The following KLHL13 variants were observed in gnomAD, a reference collection of about 807,000 sequenced individuals.
KLHL13 encodes the protein kelch like family member 13, also known as kelch-like protein 13.
Under a neutral mutation model 37.1 loss-of-function variants are expected in KLHL13, and 10 were observed. That is an observed-to-expected ratio of 0.27 (90% CI 0.17 to 0.46). The LOEUF is 0.46. Among genes scored for constraint, KLHL13 ranks in the 20% least tolerant of loss-of-function variants. KLHL13 has a pLI of 1.00. For missense variants in KLHL13, 360 were observed against 509.3 expected, an observed-to-expected ratio of 0.71 and a Z score of 2.82; for synonymous variants, 163 against 181.2, an observed-to-expected ratio of 0.90 and a Z score of 0.81.
At chrX:118,072,436 T>C (rs745349687) in intron 1 of KLHL13, among the ~76,000 whole-genome samples, 9 of 112,353 alleles carry the variant, frequency 8.0e-5, no homozygotes, top group South Asian at 3.7e-4. Context: ...ACTTCATGTC[T>C]ACAACACCAA....
At position 117,920,706 on chromosome X, in the gene KLHL13, G is replaced by C. The variant is rs759118333; in HGVS notation, c.241-336C>G. On this transcript the variant is annotated intron_variant, in intron 2 of 6. Transcript: ENST00000262820. ...ACTTCTACTTTCCCATCTGCAGAATGAGAGTATTAGACTGTCTTAACATTC... is the reference window on the plus strand; with the variant it reads ...ACTTCTACTTTCCCATCTGCAGAATCAGAGTATTAGACTGTCTTAACATTC... Among the ~76,000 whole-genome samples the C allele has an allele frequency of 2.7e-5, 3 of 111,954 alleles. No individual in the cohort carries two copies. The South Asian group carries it at 1.1e-3, about 42-fold the overall frequency.
At chrX:117,987,358 C>A (rs140176752) in intron 1 of KLHL13, among the ~76,000 whole-genome samples, 56 of 111,571 alleles carry the variant, frequency 5.0e-4, no homozygotes, top group African/African-American at 1.8e-3. Flanking sequence ...GGTTTAGAAT[C>A]TCCAAGGGTG....
intron 1 of KLHL13, among the ~76,000 whole-genome samples, chrX:118,081,940 T>C (rs1409287943): frequency 2.0e-5 from 2 of 97,673 alleles, no homozygotes; most frequent in Non-Finnish European, 4.2e-5. Flanking sequence ...TAGTATTCCA[T>C]TGTGTGTGTG....
upstream of KLHL13, among the ~76,000 whole-genome samples, chrX:117,976,984 G>A (rs1569431637): frequency 9.0e-6 from 1 of 110,631 alleles, no homozygotes; most frequent in Non-Finnish European, 1.9e-5. Context: ...CTTGCCCAAT[G>A]TTGTATCACA....
At chrX:117,967,760 T>C (rs150715516) in intron 1 of KLHL13, among the ~76,000 whole-genome samples, 229 of 111,741 alleles carry the variant, frequency 2.0e-3, no homozygotes, top group African/African-American at 6.9e-3. Context: ...AAATACACAA[T>C]AGGCTTTAAA....
At chrX:117,967,904 T>C (rs753798537) in intron 1 of KLHL13, among the ~76,000 whole-genome samples, 152 of 111,668 alleles carry the variant, frequency 1.4e-3, no homozygotes, top group African/African-American at 4.6e-3. Context: ...ATTTGCAAAC[T>C]GTAAATTCAC....
At chrX:118,098,942 G>T (rs189550648) in intron 1 of KLHL13, among the ~76,000 whole-genome samples, 1 of 71,616 alleles carries the variant, frequency 1.4e-5, no homozygotes, top group Admixed American at 1.7e-4. Context: ...GGGGAAGGGG[G>T]GTGGGGGAAG....
At chrX:118,028,292 T>C (rs1347180159) in intron 1 of KLHL13, 132 bp downstream of exon 2, 1 of 380,435 alleles carries the variant, frequency 2.6e-6, no homozygotes, top group South Asian at 6.5e-5. Flanking sequence ...CACTTAGTCA[T>C]TCTCTAACTC....
At chrX:118,066,766 T>TA (rs764250756) in intron 1 of KLHL13, among the ~76,000 whole-genome samples, 1 of 111,468 alleles carries the variant, frequency 9.0e-6, no homozygotes, top group Non-Finnish European at 1.9e-5. Context: ...CCAGAATCAA[T>TA]AAAAAAATTA....
chrX:117,946,121 T>C (rs999334162), intron 1 of KLHL13: 1 of 111,508 alleles, frequency 9.0e-6, no homozygotes, highest in African/African-American at 3.3e-5. Context: ...AAGTAAAAGA[T>C]TAATTGTTAT....
In KLHL13 at chrX:117,966,453, A is replaced by G. The variant is rs1167793522; in HGVS notation, c.98+6278T>C. Among the ~76,000 whole-genome samples the G allele has an allele frequency of 2.7e-5, 3 of 111,489 alleles. No individual in the cohort carries two copies. The Admixed American group carries it at 2.9e-4, about 11-fold the overall frequency. On this transcript the variant is annotated intron_variant, in intron 1 of 6. Coordinates refer to ENST00000262820, the Ensembl canonical transcript of KLHL13. ...GAACATTCCATGCGCATGGGTAGGA[A>G]GAATCAATATCATGAAAATGGCCAT...
At chrX:118,061,335 T>C (rs989857472) in intron 1 of KLHL13, among the ~76,000 whole-genome samples, 1 of 111,040 alleles carries the variant, frequency 9.0e-6, no homozygotes, top group African/African-American at 3.3e-5. Flanking sequence ...GTAAGTGTTA[T>C]GGAATACATG....
At chrX:117,908,599 A>T (rs1400183308) in intron 5 of KLHL13, among the ~76,000 whole-genome samples, 1 of 111,916 alleles carries the variant, frequency 8.9e-6, no homozygotes, top group Non-Finnish European at 1.9e-5. Flanking sequence ...ATAAAATTTT[A>T]CCTTTTTGGG....
chrX:117,910,182 G>C (rs1202523866), intron 4 of KLHL13, 86 bp from the exon 6 acceptor site: 1 of 628,617 alleles, frequency 1.6e-6, no homozygotes, highest in East Asian at 3.4e-5. Flanking sequence ...TCTAGAATAA[G>C]AGTAAATTAT....
rs547503853 is a variant in KLHL13, at chrX:118,109,881, A to G, written c.-56+6627T>C. Among the ~76,000 whole-genome samples, 63 of 109,681 alleles carry G rather than the reference A, an allele frequency of 5.7e-4. 1 individual carries two copies. Among genetic ancestry groups the G allele is most frequent in the African/African-American group, 2.0e-3 (59 of 30,092 alleles). ...ACTGGCAACCCCACAAAACCGAAGG[A>G]AAAAAAAACAGGCCAGGTACAGTGG... On this transcript the variant is annotated intron_variant, in intron 1 of 6. Transcript: ENST00000371882.
intron 4 of KLHL13, 114 bp from the exon 6 acceptor site, chrX:117,910,210 A>G (rs975424558): frequency 3.9e-6 from 2 of 510,611 alleles, no homozygotes; most frequent in Middle Eastern, 5.0e-4. Flanking sequence ...ATGTTCAAAT[A>G]GATACAAATA....
At chrX:117,956,707 A>G (rs1043585986) in intron 1 of KLHL13, among the ~76,000 whole-genome samples, 1 of 111,240 alleles carries the variant, frequency 9.0e-6, no homozygotes, top group African/African-American at 3.3e-5. Context: ...TGTAGATGAG[A>G]AGCAGACAAA....
Position 117,998,479 on chromosome X carries a change from T to TA in KLHL13, c.-55-52905dup, listed in dbSNP as rs201051838. Among the ~76,000 whole-genome samples, 1,000 of 108,873 alleles carry TA rather than the reference T, an allele frequency of 9.2e-3. 6 individuals carry two copies. The highest frequency in any genetic ancestry group is 0.014 in the Middle Eastern group (3 of 214). The allele number at this position is 108,873 out of a possible 115,157, so 94.5% of individuals were successfully genotyped here. Reference sequence around the variant, plus strand: ...TGGCTAGTAATAAGTAAAGAGATTCTAAAAAAAAACACAAGAATCAAAGAA... The same window carrying TA: ...TGGCTAGTAATAAGTAAAGAGATTCTAAAAAAAAAACACAAGAATCAAAGAA... On this transcript the variant is annotated intron_variant, in intron 1 of 6. Transcript: ENST00000371882.
chrX:117,972,581 T>C, intron 1 of KLHL13: 1 of 449,448 alleles, frequency 2.2e-6, no homozygotes, highest in South Asian at 3.7e-5. Flanking sequence ...AGTGTGGGCA[T>C]GCCAACATCT....
Sources: gnomAD v4.1 joint callset for allele counts (sites outside exome capture counted in the v4.1 genomes callset) on GRCh38, gnomAD v4.1.1 for gene constraint, MANE v1.5 for transcripts, NCBI Gene and HGNC (gene_info 2026-07-23, HGNC 2026-07-21) for gene names.